The following NTNG1 variants were observed in gnomAD, a reference collection of about 807,000 sequenced individuals.
NTNG1 encodes the protein netrin G1.
In NTNG1, 16 loss-of-function variants were observed where a neutral mutation model predicts 54.0. The observed-to-expected ratio is 0.30, with a 90% CI of 0.20 to 0.45. The LOEUF (loss-of-function observed/expected upper bound fraction) is 0.45. Among genes scored for constraint, NTNG1 ranks in the 20% least tolerant of loss-of-function variants. The pLI, the probability that NTNG1 is intolerant of heterozygous loss-of-function variation, is 1.00. For synonymous variants in NTNG1, 255 were observed against 263.1 expected (o/e 0.97, Z 0.30); for missense variants, 530 against 678.7 (o/e 0.78, Z 2.43).
intron 2 of NTNG1, among the ~76,000 whole-genome samples, chr1:107,166,308 T>G (rs1042164295): frequency 6.6e-6 from 1 of 152,226 alleles, no homozygotes; most frequent in Non-Finnish European, 1.5e-5. Context: ...TGTAGATTTA[T>G]CTCAACAGTA....
intron 2 of NTNG1, among the ~76,000 whole-genome samples, chr1:107,154,520 CAGG>C (rs1205261732): frequency 1.4e-5 from 2 of 143,768 alleles, no homozygotes; most frequent in Non-Finnish European, 3.0e-5. Flanking sequence ...CTGTTGAGCC[CAGG>C]AGGTCAAGGC....
At chr1:107,351,531 C>G (rs796490523) in intron 3 of NTNG1, among the ~76,000 whole-genome samples, 3 of 152,236 alleles carry the variant, frequency 2.0e-5, no homozygotes, top group Admixed American at 6.5e-5. Context: ...AAGAACTCAC[C>G]TGTACCAAGG....
Position 107,419,242 on chromosome 1 carries a change from C to T in NTNG1, c.1088-11508C>T, listed in dbSNP as rs76648866. Among the ~76,000 whole-genome samples, 823 of 144,902 alleles carry T rather than the reference C, an allele frequency of 5.7e-3. 12 individuals are homozygous for T. The highest frequency in any genetic ancestry group is 0.018 in the African/African-American group (747 of 40,430). ...CTCTCCCCGCTACCTCCTCCCTCCT[C>T]TCTCTCTCTCTCTCTCTGTCTTTCA... On this transcript the variant is annotated intron_variant, in intron 5 of 7. Coordinates refer to ENST00000370068, the MANE Select transcript of NTNG1 (RefSeq NM_001113226.3).
chr1:107,439,513 C>A (rs1476901652), intron 7 of NTNG1, among the ~76,000 whole-genome samples: 1 of 151,978 alleles, frequency 6.6e-6, no homozygotes, highest in Non-Finnish European at 1.5e-5. Flanking sequence ...ATTATTCTAG[C>A]TACTAAGTAA....
At chr1:107,360,130 CAT>C (rs935266289) in intron 3 of NTNG1, among the ~76,000 whole-genome samples, 21 of 152,156 alleles carry the variant, frequency 1.4e-4, no homozygotes, top group African/African-American at 4.3e-4. Flanking sequence ...AGCACTCAAA[CAT>C]ATTGATTAGA....
At chr1:107,298,089 A>T (rs1315683989) in intron 2 of NTNG1, among the ~76,000 whole-genome samples, 1 of 152,182 alleles carries the variant, frequency 6.6e-6, no homozygotes, top group Non-Finnish European at 1.5e-5. Flanking sequence ...GAACTCAGTC[A>T]TGAAGATAAA....
chr1:107,459,556 C>G (rs1677153358), intron 7 of NTNG1, among the ~76,000 whole-genome samples: 1 of 152,038 alleles, frequency 6.6e-6, no homozygotes, highest in Non-Finnish European at 1.5e-5. Context: ...ATTTTCAATT[C>G]AATTTGAGCT....
intron 2 of NTNG1, among the ~76,000 whole-genome samples, chr1:107,289,723 T>G (rs1665458561): frequency 6.6e-6 from 1 of 152,192 alleles, no homozygotes; most frequent in South Asian, 2.1e-4. Context: ...TCTTATGTGG[T>G]GTATACTGCA....
chr1:107,291,721 T>C (rs1665616105), intron 2 of NTNG1, among the ~76,000 whole-genome samples: 1 of 152,060 alleles, frequency 6.6e-6, no homozygotes, highest in East Asian at 1.9e-4. Flanking sequence ...TAAAAGAAAA[T>C]ACAAGTGAAT....
At chr1:107,477,632 ATC>A (rs1678414310) in intron 7 of NTNG1, among the ~76,000 whole-genome samples, 1 of 152,182 alleles carries the variant, frequency 6.6e-6, no homozygotes, top group Non-Finnish European at 1.5e-5. Flanking sequence ...CTCAAATACA[ATC>A]TCTTTTTTAT....
chr1:107,334,744 C>T (rs1391083929), intron 3 of NTNG1, among the ~76,000 whole-genome samples: 1 of 151,976 alleles, frequency 6.6e-6, no homozygotes, highest in Non-Finnish European at 1.5e-5. Context: ...TTTCAGTTTA[C>T]TCACTGATCT....
chr1:107,199,986 T>C (rs1293512324), intron 2 of NTNG1, among the ~76,000 whole-genome samples: 1 of 151,868 alleles, frequency 6.6e-6, no homozygotes, highest in Non-Finnish European at 1.5e-5. Context: ...TCAGCACCAG[T>C]TTTTGATCTT....
At chr1:107,373,229 C>T (rs923470576) in intron 3 of NTNG1, among the ~76,000 whole-genome samples, 10 of 151,750 alleles carry the variant, frequency 6.6e-5, no homozygotes, top group Non-Finnish European at 7.4e-5. Flanking sequence ...CCTTTGTTGG[C>T]TTACTAGTCA....
intron 2 of NTNG1, among the ~76,000 whole-genome samples, chr1:107,191,760 G>C (rs1457517273): frequency 1.3e-5 from 2 of 151,540 alleles, no homozygotes; most frequent in African/African-American, 4.9e-5. Flanking sequence ...TTATTTCTGA[G>C]GGCTCTGTTC....
chr1:107,154,774 A>AAT (rs1409455731), intron 2 of NTNG1, among the ~76,000 whole-genome samples: 1 of 151,032 alleles, frequency 6.6e-6, no homozygotes, highest in Admixed American at 6.6e-5. Context: ...ATCAGGTTGG[A>AAT]ATATATATAT....
At chr1:107,336,375 C>A (rs1316110766) in intron 3 of NTNG1, among the ~76,000 whole-genome samples, 2 of 151,384 alleles carry the variant, frequency 1.3e-5, no homozygotes, top group Non-Finnish European at 3.0e-5. Context: ...ACAGTCTTTT[C>A]AACAAATGAT....
chr1:107,186,422 T>C (rs1348773046), intron 2 of NTNG1, among the ~76,000 whole-genome samples: 1 of 152,190 alleles, frequency 6.6e-6, no homozygotes, highest in African/African-American at 2.4e-5. Context: ...TTAACTCCTT[T>C]AGAGACTTCT....
At chr1:107,192,865 T>C (rs1280561162) in intron 2 of NTNG1, among the ~76,000 whole-genome samples, 3 of 152,068 alleles carry the variant, frequency 2.0e-5, no homozygotes, top group Non-Finnish European at 2.9e-5. Context: ...TAATTCTGAA[T>C]AATGGAAGTT....
chr1:107,415,386 C>T (rs2101197143), intron 5 of NTNG1, among the ~76,000 whole-genome samples: 1 of 152,258 alleles, frequency 6.6e-6, no homozygotes, highest in East Asian at 1.9e-4. Flanking sequence ...ACAGGCATCA[C>T]CCTTCCATGA....
Sources: allele counts gnomAD v4.1 joint callset (sites outside exome capture counted in the v4.1 genomes callset), GRCh38; gene constraint gnomAD v4.1.1; transcripts MANE v1.5; gene names NCBI Gene and HGNC (gene_info 2026-07-23, HGNC 2026-07-21).